ALCAM: variants seen among roughly 807,000 people sequenced by gnomAD.
ALCAM encodes CD166 antigen.
Under a neutral mutation model 70.9 loss-of-function variants are expected in ALCAM, and 30 were observed. The observed-to-expected ratio is 0.42, with a 90% CI of 0.32 to 0.57. The LOEUF (loss-of-function observed/expected upper bound fraction) is 0.57, where lower values mean the gene tolerates loss of function less well. Among genes scored for constraint, ALCAM ranks in the 20% least tolerant of loss-of-function variants. The probability of loss-of-function intolerance (pLI) is 0.11; values close to 1 mark genes in which losing one functional copy is unlikely to be tolerated. For missense variants in ALCAM, 591 were observed against 695.1 expected, an observed-to-expected ratio of 0.85 and a Z score of 1.68; for synonymous variants, 249 against 242.5, an observed-to-expected ratio of 1.03 and a Z score of -0.25.
chr3:105,370,268 TA>T (rs901289094), intron 1 of ALCAM, among the ~76,000 whole-genome samples: 18 of 152,346 alleles, frequency 1.2e-4, no homozygotes, highest in Non-Finnish European at 2.2e-4. Flanking sequence ...TTGATTAATT[TA>T]AAAACTAAAA....
At chr3:105,442,650 G>A (rs937493482) in intron 1 of ALCAM, among the ~76,000 whole-genome samples, 5 of 151,664 alleles carry the variant, frequency 3.3e-5, no homozygotes, top group Admixed American at 1.3e-4. Context: ...GCGTGGTGGC[G>A]GGCACCTGTA....
intron 1 of ALCAM, among the ~76,000 whole-genome samples, chr3:105,496,172 ATAATTAAATACT>A (rs1478399225): frequency 1.3e-5 from 2 of 152,212 alleles, no homozygotes; most frequent in African/African-American, 4.8e-5. Context: ...GTAGTTTCCT[ATAATTAAATACT>A]TATATTCACA....
At chr3:105,574,028 A>G (rs986836191) in intron 15 of ALCAM, among the ~76,000 whole-genome samples, 2 of 152,142 alleles carry the variant, frequency 1.3e-5, no homozygotes, top group African/African-American at 2.4e-5. Context: ...GCATTCCCAC[A>G]TGACTTTTTT....
Position 105,402,717 on chromosome 3 carries a change from A to G in ALCAM, c.73+35236A>G, listed in dbSNP as rs552802608. Among the ~76,000 whole-genome samples the G allele has an allele frequency of 4.6e-5, 7 of 152,000 alleles. No homozygotes were observed. The East Asian group carries it at 1.4e-3, about 30-fold the overall frequency. ...AGTTATAACTGCACCCCCATCCCCC[A>G]TGGCAGCCACAGCAAGCTCTGCCCA... is the stretch of plus-strand genomic sequence containing the variant. On this transcript the variant is annotated intron_variant, in intron 1 of 15. Transcript: ENST00000306107.
At chr3:105,546,401 T>C (rs1282981571) in intron 9 of ALCAM, among the ~76,000 whole-genome samples, 1 of 151,488 alleles carries the variant, frequency 6.6e-6, no homozygotes, top group Non-Finnish European at 1.5e-5. Context: ...GTTGTCTTAC[T>C]CTGTGAGCTC....
At chr3:105,507,110 T>C (rs1576208678) in intron 1 of ALCAM, among the ~76,000 whole-genome samples, 1 of 152,188 alleles carries the variant, frequency 6.6e-6, no homozygotes, top group Admixed American at 6.5e-5. Context: ...ACTATTTTTA[T>C]CTGTTCTTAG....
chr3:105,571,796 A>G lies in ALCAM; in HGVS notation c.1665-56A>G. The G allele has an allele frequency of 3.9e-6, 5 of 1,272,248 alleles. No homozygotes were observed. The South Asian group carries it at 7.3e-5, about 18-fold the overall frequency. The allele number at this position is 1,272,248 out of a possible 1,614,324, so 78.8% of individuals were successfully genotyped here. On this transcript the variant is annotated intron_variant, in intron 14 of 15. Transcript: ENST00000306107. ...ATTAATTCAAATCTTAAAATTAAAT[A>G]TAAAAGTTGAACATGTATGTGTCAA...
chr3:105,419,421 A>T (rs1262051251), intron 1 of ALCAM, among the ~76,000 whole-genome samples: 1 of 151,818 alleles, frequency 6.6e-6, no homozygotes, highest in East Asian at 1.9e-4. Flanking sequence ...AAGTCAGGGA[A>T]ACACTAATGG....
chr3:105,442,561 C>T (rs955363514), intron 1 of ALCAM, among the ~76,000 whole-genome samples: 32 of 152,074 alleles, frequency 2.1e-4, no homozygotes, highest in Middle Eastern at 3.4e-3. Context: ...GCGGGTGGAT[C>T]ACGAGGTCAG....
At chr3:105,548,354 A>C (rs566870848) in intron 11 of ALCAM, among the ~76,000 whole-genome samples, 10 of 151,364 alleles carry the variant, frequency 6.6e-5, no homozygotes, top group Non-Finnish European at 1.2e-4. Flanking sequence ...CCCTCTTCTC[A>C]GTATAATCTG....
chr3:105,442,102 A>C (rs1471382805), intron 1 of ALCAM, among the ~76,000 whole-genome samples: 1 of 152,198 alleles, frequency 6.6e-6, no homozygotes, highest in Non-Finnish European at 1.5e-5. Context: ...AAGAGTAAAC[A>C]GTTGGAGATG....
chr3:105,541,474 T>G (rs1940113916), intron 7 of ALCAM, among the ~76,000 whole-genome samples, 159 bp from the exon 8 acceptor site: 1 of 151,996 alleles, frequency 6.6e-6, no homozygotes, highest in Admixed American at 6.6e-5. Context: ...TGCCCAGGAA[T>G]CAGATATTGG....
chr3:105,366,980 C>A lies in ALCAM; in HGVS notation c.-429C>A. ...TGCCACCTGAGGAGACCCGCCGCCC[C>A]CCCGTCGCCGCCTCCTGCGAGTCCT... On this transcript the variant is annotated 5_prime_UTR_variant, in exon 1 of 16. Transcript: ENST00000306107. 6.0e-6 allele frequency: 1 copy of A among 165,580 alleles called. No homozygotes were observed. The highest frequency in any genetic ancestry group is 1.2e-4 in the South Asian group (1 of 8,196). 10.3% of individuals were successfully genotyped at this position (165,580 alleles called of 1,614,324 possible). A position where few individuals can be genotyped will look rare whatever the true frequency, so the allele number is the denominator to read the frequency against.
chr3:105,483,683 A>G (rs1938339934), intron 1 of ALCAM, among the ~76,000 whole-genome samples: 4 of 152,124 alleles, frequency 2.6e-5, no homozygotes, highest in Admixed American at 2.6e-4. Flanking sequence ...CTAAAAAAGG[A>G]TGTGGTTGGT....
chr3:105,429,260 TCAAA>T lies in ALCAM; in HGVS notation c.73+61782_73+61785del, dbSNP rs1190767766. On this transcript the variant is annotated intron_variant, in intron 1 of 15. Coordinates refer to ENST00000306107, the MANE Select transcript of ALCAM (RefSeq NM_001627.4). ...AAAGCAAATACACTGGAGTTCACTG[TCAAA>T]CAGAGATTCCCAAGAAACCAAACAG... 2.6e-5 allele frequency among the ~76,000 whole-genome samples: 4 copies of T among 151,988 alleles called. No homozygotes were observed. The East Asian group carries it at 7.7e-4, about 29-fold the overall frequency.
chr3:105,383,958 GA>G (rs1935588490), intron 1 of ALCAM, among the ~76,000 whole-genome samples: 1 of 151,522 alleles, frequency 6.6e-6, no homozygotes, highest in African/African-American at 2.4e-5. Flanking sequence ...TAATCTAGCA[GA>G]AATAATATAG....
At chr3:105,534,464 AG>A (rs1412062617) in intron 5 of ALCAM, among the ~76,000 whole-genome samples, 198 bp from the exon 6 acceptor site, 1 of 152,130 alleles carries the variant, frequency 6.6e-6, no homozygotes, top group Non-Finnish European at 1.5e-5. Flanking sequence ...GAGTGGGAAA[AG>A]GGATTCCAGG....
At chr3:105,536,238 C>T (rs1049936398) in intron 6 of ALCAM, among the ~76,000 whole-genome samples, 2 of 151,744 alleles carry the variant, frequency 1.3e-5, no homozygotes, top group Non-Finnish European at 1.5e-5. Flanking sequence ...GGATTAGAAG[C>T]GCATGCCACC....
At chr3:105,498,279 C>G (rs1247632685) in intron 1 of ALCAM, among the ~76,000 whole-genome samples, 1 of 152,256 alleles carries the variant, frequency 6.6e-6, no homozygotes, top group African/African-American at 2.4e-5. Context: ...TTTTCCTCCA[C>G]TCTTTATAGT....
Sources: gnomAD v4.1 joint callset for allele counts (sites outside exome capture counted in the v4.1 genomes callset) on GRCh38, gnomAD v4.1.1 for gene constraint, MANE v1.5 for transcripts, NCBI Gene and HGNC (gene_info 2026-07-23, HGNC 2026-07-21) for gene names.